The following CSMD1 variants were observed in gnomAD, a reference collection of about 807,000 sequenced individuals.
The protein encoded by CSMD1 is CUB and sushi domain-containing protein 1.
CSMD1 carries 213 observed loss-of-function variants against 417.5 expected under a neutral mutation model. The ratio of observed to expected loss-of-function variants is 0.51; its 90% CI spans 0.46 to 0.57. CSMD1 has a LOEUF of 0.57. Among genes scored for constraint, CSMD1 ranks in the 20% least tolerant of loss-of-function variants. CSMD1 has a pLI of 0.00. For synonymous variants in CSMD1, 2,862 were observed against 1,736.8 expected (o/e 1.65, Z -16.11); for missense variants, 6,923 against 4,529.7 (o/e 1.53, Z -15.17).
At chr8:3,028,974 C>A (rs1483750109) in intron 51 of CSMD1, among the ~76,000 whole-genome samples, 2 of 152,102 alleles carry the variant, frequency 1.3e-5, no homozygotes, top group African/African-American at 4.8e-5. Context: ...TACTATTTCC[C>A]AAGATCCCAA....
chr8:3,652,593 G>A (rs1036806687), intron 7 of CSMD1, among the ~76,000 whole-genome samples: 1 of 152,210 alleles, frequency 6.6e-6, no homozygotes, highest in Non-Finnish European at 1.5e-5. Context: ...GTCGTACACG[G>A]TGACAGGCAA....
intron 23 of CSMD1, among the ~76,000 whole-genome samples, chr8:3,309,330 A>T (rs1328100771): frequency 7.1e-6 from 1 of 140,244 alleles, no homozygotes; most frequent in Non-Finnish European, 1.6e-5. Flanking sequence ...AAAAGAAAAA[A>T]AAACTGGCGC....
At chr8:4,212,899 C>G (rs777066291) in intron 3 of CSMD1, among the ~76,000 whole-genome samples, 17 of 151,910 alleles carry the variant, frequency 1.1e-4, no homozygotes, top group Non-Finnish European at 2.1e-4. Flanking sequence ...AGAGGCTGAG[C>G]TGGAAAGAAG....
intron 3 of CSMD1, among the ~76,000 whole-genome samples, chr8:4,327,017 G>C (rs1227425498): frequency 3.3e-5 from 5 of 152,126 alleles, no homozygotes; most frequent in African/African-American, 9.7e-5. Context: ...GGGAGAACCA[G>C]ACCACAGAAG....
intron 28 of CSMD1, 30 bp from the exon 29 acceptor site, chr8:3,219,472 CG>C (rs1563154734): frequency 7.3e-7 from 1 of 1,373,218 alleles, no homozygotes; most frequent in East Asian, 2.8e-5. Flanking sequence ...TTATGTCATA[CG>C]GCTAACAGAT....
chr8:3,262,556 G>GA (rs1465561605), intron 26 of CSMD1, among the ~76,000 whole-genome samples: 2 of 150,682 alleles, frequency 1.3e-5, no homozygotes, highest in Admixed American at 6.6e-5. Context: ...AAAAGAAAAA[G>GA]AAAAAATCAA....
rs191928022 is a variant in CSMD1 at position 3,514,135 on chromosome 8, G to A, written c.1345-20409C>T. ...ATAGGAGGCTCAAATCAATCTCTCC[G>A]TAATCACTTCTGTCTCCCAGGAAGC... On this transcript the variant is annotated intron_variant, in intron 10 of 69. Transcript: ENST00000635120. Among the ~76,000 whole-genome samples, 65 of 152,186 alleles carry A rather than the reference G, an allele frequency of 4.3e-4. 1 individual carries two copies. The highest frequency in any genetic ancestry group is 1.2e-3 in the African/African-American group (51 of 41,516).
At chr8:3,754,820 C>G (rs1797566637) in intron 5 of CSMD1, among the ~76,000 whole-genome samples, 1 of 152,172 alleles carries the variant, frequency 6.6e-6, no homozygotes, top group South Asian at 2.1e-4. Context: ...TGCTTGGTAA[C>G]AAGCTATATT....
chr8:4,784,564 C>T (rs1797306395), intron 1 of CSMD1, among the ~76,000 whole-genome samples: 1 of 152,192 alleles, frequency 6.6e-6, no homozygotes, highest in South Asian at 2.1e-4. Flanking sequence ...TTCTACCTGA[C>T]ACAATTTGTT....
chr8:4,706,482 A>G (rs1191038597), intron 1 of CSMD1, among the ~76,000 whole-genome samples: 1 of 152,236 alleles, frequency 6.6e-6, no homozygotes, highest in African/African-American at 2.4e-5. Flanking sequence ...ACAAAAGGGG[A>G]AAGTAAATAT....
chr8:3,923,522 C>A (rs1312319680), intron 5 of CSMD1, among the ~76,000 whole-genome samples: 1 of 152,066 alleles, frequency 6.6e-6, no homozygotes, highest in South Asian at 2.1e-4. Context: ...TTTATTCTCA[C>A]CTTGCGCATT....
intron 8 of CSMD1, among the ~76,000 whole-genome samples, chr8:3,609,811 C>CTTG (rs1801800704): frequency 6.6e-5 from 5 of 75,262 alleles, no homozygotes; most frequent in Non-Finnish European, 9.4e-5. Context: ...AGTATCTTCC[C>CTTG]TTTTTTTTTT....
In CSMD1 at chr8:3,348,439, A is replaced by T. The variant is rs191246700; in HGVS notation, c.3305-278T>A. ...TATCATACAGAGAGTTCTAGAATAAAACAGAGGTGCTCCAGCACCATGGCT... is the reference window on the plus strand; with the variant it reads ...TATCATACAGAGAGTTCTAGAATAATACAGAGGTGCTCCAGCACCATGGCT... On this transcript the variant is annotated intron_variant, in intron 21 of 69. Transcript: ENST00000635120. 2.1e-4 allele frequency among the ~76,000 whole-genome samples: 32 copies of T among 152,322 alleles called. No homozygotes were observed. The East Asian group carries it at 5.0e-3, about 24-fold the overall frequency.
At chr8:4,626,176 C>T (rs188944865) in intron 2 of CSMD1, among the ~76,000 whole-genome samples, 1 of 152,206 alleles carries the variant, frequency 6.6e-6, no homozygotes, top group African/African-American at 2.4e-5. Flanking sequence ...TTCAGCAGGC[C>T]AAGGTTTTCT....
At chr8:4,965,495 G>C (rs190790027) in intron 1 of CSMD1, among the ~76,000 whole-genome samples, 294 of 152,310 alleles carry the variant, frequency 1.9e-3, no homozygotes, top group African/African-American at 6.7e-3. Flanking sequence ...AAGGATGACT[G>C]AGTCTCTGCT....
chr8:4,067,735 G>T (rs570505043), intron 3 of CSMD1, among the ~76,000 whole-genome samples: 1 of 152,110 alleles, frequency 6.6e-6, no homozygotes, highest in Non-Finnish European at 1.5e-5. Context: ...ATAAAGGAAC[G>T]TGTTATTCTT....
intron 3 of CSMD1, among the ~76,000 whole-genome samples, chr8:4,269,185 T>A (rs919985284): frequency 6.6e-6 from 1 of 152,098 alleles, no homozygotes; most frequent in Non-Finnish European, 1.5e-5. Flanking sequence ...GCCCTCCTAG[T>A]AGCTGGGACT....
intron 5 of CSMD1, among the ~76,000 whole-genome samples, chr8:3,936,607 G>A (rs376041956): frequency 6.6e-6 from 1 of 152,080 alleles, no homozygotes; most frequent in African/African-American, 2.4e-5. Context: ...AATATTTTAA[G>A]GCCACTGTTG....
intron 3 of CSMD1, among the ~76,000 whole-genome samples, chr8:4,267,989 A>G (rs1255235679): frequency 6.6e-6 from 1 of 152,102 alleles, no homozygotes; most frequent in Non-Finnish European, 1.5e-5. Context: ...TACAAGTGAG[A>G]TGGTGGAGGG....
Sources: allele counts gnomAD v4.1 joint callset (sites outside exome capture counted in the v4.1 genomes callset), GRCh38; gene constraint gnomAD v4.1.1; transcripts MANE v1.5; gene names NCBI Gene and HGNC (gene_info 2026-07-23, HGNC 2026-07-21).